Variants in CHN1 observed in about 807,000 individuals in gnomAD.
CHN1 encodes the protein chimerin 1, also known as N-chimaerin.
Under a neutral mutation model 59.5 loss-of-function variants are expected in CHN1, and 37 were observed. That is an observed-to-expected ratio of 0.62 (90% CI 0.48 to 0.82). The LOEUF is 0.82. CHN1 is among the 40% of genes least tolerant of loss of function. The pLI, the probability that CHN1 is intolerant of heterozygous loss-of-function variation, is 0.00. For synonymous variants in CHN1, 206 were observed against 200.4 expected, an observed-to-expected ratio of 1.03 and a Z score of -0.24; for missense variants, 469 against 571.0, an observed-to-expected ratio of 0.82 and a Z score of 1.82.
rs1688408158 is a variant in CHN1 at position 174,902,276 on chromosome 2, G to T, written c.260+12782C>A. 2.0e-5 allele frequency among the ~76,000 whole-genome samples: 3 copies of T among 152,046 alleles called. 1 individual carries two copies. The highest frequency in any genetic ancestry group is 7.2e-5 in the African/African-American group (3 of 41,422). ...TTTTTTCAAGTAAGGGATGCCTTAT[G>T]TTAAACTAGCCATTTCCTACTGTGT... On this transcript the variant is annotated intron_variant, in intron 5 of 12. Transcript: ENST00000409900.
chr2:174,988,577 G>C (rs1691430929), intron 1 of CHN1, among the ~76,000 whole-genome samples: 1 of 151,972 alleles, frequency 6.6e-6, no homozygotes, highest in South Asian at 2.1e-4. Flanking sequence ...TAGTTGCCTT[G>C]AGACAATATG....
chr2:174,847,245 C>G (rs1359641405), intron 6 of CHN1: 1 of 1,408,968 alleles, frequency 7.1e-7, no homozygotes, highest in East Asian at 2.5e-5. Context: ...CTACAGAGAG[C>G]TGCAGAGAAA....
At chr2:174,985,591 C>G (rs1438695100) in intron 1 of CHN1, among the ~76,000 whole-genome samples, 1 of 152,070 alleles carries the variant, frequency 6.6e-6, no homozygotes, top group Non-Finnish European at 1.5e-5. Flanking sequence ...CCTCATAAAT[C>G]ATATTATTAC....
At chr2:174,949,560 C>T (rs573954398) in intron 2 of CHN1, among the ~76,000 whole-genome samples, 42 of 152,080 alleles carry the variant, frequency 2.8e-4, no homozygotes, top group African/African-American at 7.5e-4. Flanking sequence ...AGATGGGATC[C>T]GCCTAAATTG....
chr2:174,963,727 G>A (rs1460108364), intron 1 of CHN1, among the ~76,000 whole-genome samples: 1 of 152,194 alleles, frequency 6.6e-6, no homozygotes. Flanking sequence ...GAAGAATGCT[G>A]TAGTCAGGTC....
At chr2:174,860,522 C>T (rs967930799) in intron 6 of CHN1, among the ~76,000 whole-genome samples, 3 of 152,182 alleles carry the variant, frequency 2.0e-5, no homozygotes, top group Admixed American at 1.3e-4. Context: ...ATACTAAGTG[C>T]TCATAAATAG....
intron 7 of CHN1, among the ~76,000 whole-genome samples, chr2:174,831,256 C>T (rs1685870279): frequency 6.6e-6 from 1 of 152,098 alleles, no homozygotes; most frequent in South Asian, 2.1e-4. Flanking sequence ...ATTAACAGAG[C>T]TTAAATTCTT....
At chr2:175,001,230 G>T (rs77346839) in intron 1 of CHN1, among the ~76,000 whole-genome samples, 5,363 of 152,252 alleles carry the variant, frequency 0.035, 343 homozygotes, top group African/African-American at 0.12. Context: ...GTATTCTTTG[G>T]ACAACTGAAA....
chr2:174,880,263 AT>A (rs1687692930), intron 5 of CHN1, among the ~76,000 whole-genome samples: 1 of 152,208 alleles, frequency 6.6e-6, no homozygotes, highest in African/African-American at 2.4e-5. Flanking sequence ...AAAATAAAAA[AT>A]TTCCATTTTG....
intron 7 of CHN1, among the ~76,000 whole-genome samples, chr2:174,834,530 T>G (rs1041094043): frequency 7.9e-5 from 12 of 152,210 alleles, no homozygotes; most frequent in Non-Finnish European, 1.6e-4. Flanking sequence ...ATTTGCTAAA[T>G]ATAGGATTCA....
chr2:174,812,515 T>C, intron 8 of CHN1, 33 bp from the exon 9 acceptor site: 1 of 1,609,452 alleles, frequency 6.2e-7, no homozygotes, highest in South Asian at 1.1e-5. Flanking sequence ...AAACATTCAA[T>C]ATTATTTTCA....
chr2:174,889,898 T>C (rs1307895971), intron 5 of CHN1, among the ~76,000 whole-genome samples: 4 of 151,928 alleles, frequency 2.6e-5, no homozygotes, highest in Non-Finnish European at 5.9e-5. Context: ...TGTGTGTGTG[T>C]GTGCACGCGT....
intron 8 of CHN1, among the ~76,000 whole-genome samples, chr2:174,819,964 T>G (rs1465408600): frequency 6.6e-6 from 1 of 151,820 alleles, no homozygotes; most frequent in African/African-American, 2.4e-5. Flanking sequence ...GATTTCCAAT[T>G]TCATCCATGT....
At chr2:174,896,559 A>G (rs1474793231) in intron 5 of CHN1, among the ~76,000 whole-genome samples, 2 of 152,160 alleles carry the variant, frequency 1.3e-5, no homozygotes, top group East Asian at 3.8e-4. Flanking sequence ...TTAGTAACCA[A>G]TACATGTATT....
At chr2:175,004,163 A>G (rs1331216352) in intron 1 of CHN1, among the ~76,000 whole-genome samples, 1 of 152,242 alleles carries the variant, frequency 6.6e-6, no homozygotes, top group African/African-American at 2.4e-5. Flanking sequence ...GAAAGAATGT[A>G]TCTTTTCAGT....
intron 5 of CHN1, among the ~76,000 whole-genome samples, chr2:174,885,466 T>C (rs911625840): frequency 6.6e-6 from 1 of 152,210 alleles, no homozygotes; most frequent in Admixed American, 6.5e-5. Context: ...CTGCTTTTTC[T>C]ATTGACATTT....
intron 6 of CHN1, among the ~76,000 whole-genome samples, chr2:174,855,002 T>C (rs1686857652): frequency 6.6e-6 from 1 of 152,170 alleles, no homozygotes; most frequent in Non-Finnish European, 1.5e-5. Context: ...AGTAATCCCA[T>C]CAAATCCTGC....
chr2:174,888,512 C>G (rs1299803501), intron 5 of CHN1, among the ~76,000 whole-genome samples: 2 of 152,130 alleles, frequency 1.3e-5, no homozygotes, highest in African/African-American at 2.4e-5. Context: ...CAAATCAAAA[C>G]AAACATTCAG....
At chr2:174,944,065 T>C (rs1689753507) in intron 3 of CHN1, among the ~76,000 whole-genome samples, 1 of 152,336 alleles carries the variant, frequency 6.6e-6, no homozygotes, top group East Asian at 1.9e-4. Flanking sequence ...TACATAGAAA[T>C]CTTCCTTATT....
Sources: gnomAD v4.1 joint callset for allele counts (sites outside exome capture counted in the v4.1 genomes callset) on GRCh38, gnomAD v4.1.1 for gene constraint, MANE v1.5 for transcripts, NCBI Gene and HGNC (gene_info 2026-07-23, HGNC 2026-07-21) for gene names.